Variants in KCNT2 observed in about 807,000 individuals in gnomAD.
KCNT2 encodes potassium sodium-activated channel subfamily T member 2.
Under a neutral mutation model 153.8 loss-of-function variants are expected in KCNT2, and 67 were observed. That is an observed-to-expected ratio of 0.44 (90% confidence interval 0.36 to 0.53). The LOEUF is 0.53. Ranked by LOEUF, KCNT2 falls within the 20% of genes least tolerant of loss-of-function variation. The pLI is 0.00. For synonymous variants in KCNT2, 500 were observed against 458.8 expected (o/e 1.09, Z -1.15); for missense variants, 975 against 1,354.8 (o/e 0.72, Z 4.40).
intron 22 of KCNT2, among the ~76,000 whole-genome samples, chr1:196,298,844 A>C (rs1441850037): frequency 6.7e-6 from 1 of 149,004 alleles, no homozygotes; most frequent in African/African-American, 2.5e-5. Context: ...CACTCCTATC[A>C]CACAGAAAAT....
At chr1:196,505,780 T>C (rs1013758023) in intron 1 of KCNT2, among the ~76,000 whole-genome samples, 1 of 152,076 alleles carries the variant, frequency 6.6e-6, no homozygotes, top group African/African-American at 2.4e-5. Flanking sequence ...TTTGTAGTTC[T>C]CCTTGAAGAG....
intron 1 of KCNT2, among the ~76,000 whole-genome samples, chr1:196,541,355 T>C (rs2148873484): frequency 6.6e-6 from 1 of 152,150 alleles, no homozygotes; most frequent in East Asian, 1.9e-4. Context: ...TCCAGGGACC[T>C]AATCCTGCCC....
intron 26 of KCNT2, chr1:196,257,163 G>T: frequency 6.0e-6 from 5 of 830,018 alleles, no homozygotes; most frequent in Non-Finnish European, 7.3e-6. Context: ...TCAAATCAGG[G>T]TTATAAAGAG....
At chr1:196,466,929 C>T (rs1400730478) in intron 7 of KCNT2, among the ~76,000 whole-genome samples, 1 of 151,922 alleles carries the variant, frequency 6.6e-6, no homozygotes, top group African/African-American at 2.4e-5. Context: ...AACTGGGGCA[C>T]AGCTCTGAGT....
intron 14 of KCNT2, among the ~76,000 whole-genome samples, chr1:196,369,255 T>C (rs1240860694): frequency 6.6e-6 from 1 of 152,176 alleles, no homozygotes; most frequent in Non-Finnish European, 1.5e-5. Context: ...CAGCATTTCC[T>C]TGTGGAAATC....
intron 12 of KCNT2, among the ~76,000 whole-genome samples, chr1:196,412,322 G>T (rs61820911): frequency 2.0e-5 from 3 of 151,606 alleles, no homozygotes; most frequent in African/African-American, 7.3e-5. Flanking sequence ...GAATGGAAAT[G>T]TTTTACTGTT....
At chr1:196,386,426 T>C (rs907051363) in intron 13 of KCNT2, among the ~76,000 whole-genome samples, 1 of 152,138 alleles carries the variant, frequency 6.6e-6, no homozygotes, top group Non-Finnish European at 1.5e-5. Context: ...AGTTAACCTA[T>C]AAGTAGTGCC....
intron 1 of KCNT2, among the ~76,000 whole-genome samples, chr1:196,493,068 C>T (rs993122336): frequency 6.6e-6 from 1 of 152,054 alleles, no homozygotes; most frequent in East Asian, 1.9e-4. Context: ...TTCTAGCAAA[C>T]AGTCTCCCTT....
intron 5 of KCNT2, 67 bp downstream of exon 5, chr1:196,479,112 G>A: frequency 9.6e-7 from 1 of 1,037,030 alleles, no homozygotes; most frequent in Admixed American, 2.2e-5. Flanking sequence ...ACTATAAATA[G>A]AGGAATACTG....
At chr1:196,433,663 C>T (rs1385551127) in intron 8 of KCNT2, among the ~76,000 whole-genome samples, 2 of 152,088 alleles carry the variant, frequency 1.3e-5, no homozygotes, top group East Asian at 3.9e-4. Context: ...GGCTTCTGGG[C>T]ACAAGAAGCA....
intron 25 of KCNT2, among the ~76,000 whole-genome samples, chr1:196,269,630 A>C (rs1657879228): frequency 1.3e-5 from 2 of 152,148 alleles, no homozygotes; most frequent in African/African-American, 2.4e-5. Context: ...GTTGGATATT[A>C]TCAACTAGCT....
In KCNT2 at chr1:196,465,401, GA is replaced by G. The variant is rs753774068; in HGVS notation, c.544-15del. The G allele has an allele frequency of 1.2e-4, 173 of 1,477,978 alleles. No homozygotes were observed. In the Middle Eastern group the frequency reaches 3.1e-3, roughly 27 times the overall value. The allele number at this position is 1,477,978 out of a possible 1,614,324, so 91.6% of individuals were successfully genotyped here. On this transcript the variant is annotated splice_polypyrimidine_tract_variant and intron_variant, in intron 7 of 27. Transcript: ENST00000294725. ...GTGTAGATCATTCTAAAATAATACA[GA>G]AAAAAAGTTGTAAATTTTGATAAAT...
intron 25 of KCNT2, among the ~76,000 whole-genome samples, chr1:196,271,917 C>G (rs1558087176): frequency 6.6e-6 from 1 of 151,926 alleles, no homozygotes. Flanking sequence ...AAACAATGCA[C>G]CAATGAAGAA....
intron 8 of KCNT2, among the ~76,000 whole-genome samples, chr1:196,451,819 T>C (rs1441650868): frequency 1.3e-5 from 2 of 151,850 alleles, no homozygotes; most frequent in African/African-American, 4.8e-5. Flanking sequence ...TGTTACTCAT[T>C]TTTCCCCTCT....
intron 1 of KCNT2, among the ~76,000 whole-genome samples, chr1:196,500,311 AGG>A (rs1680595804): frequency 1.7e-5 from 1 of 60,604 alleles, no homozygotes; most frequent in Non-Finnish European, 3.1e-5. Context: ...GGAGGGAGGG[AGG>A]GAGGGAGGGA....
Position 196,248,110 on chromosome 1 carries a change from AAC to A in KCNT2, c.3211+10082_3211+10083del, listed in dbSNP as rs530114876. Among the ~76,000 whole-genome samples the A allele has an allele frequency of 3.8e-3, 585 of 152,216 alleles. 5 individuals carry two copies. Among genetic ancestry groups the A allele is most frequent in the African/African-American group, 0.014 (563 of 41,558 alleles). ...ATTTCTCAAAACAAAAAGTAATGGA[AAC>A]ACAACATACCAAAAATCTATGGGGT... On this transcript the variant is annotated intron_variant, in intron 26 of 27. Transcript: ENST00000294725.
intron 8 of KCNT2, 138 bp downstream of exon 8, chr1:196,465,155 C>T (rs1027721356): frequency 3.1e-5 from 18 of 575,090 alleles, no homozygotes; most frequent in Non-Finnish European, 4.0e-5. Context: ...CTTCTGTAGG[C>T]GATCTGTTAC....
intron 21 of KCNT2, among the ~76,000 whole-genome samples, chr1:196,315,306 A>G (rs1210426708): frequency 6.6e-6 from 1 of 151,662 alleles, no homozygotes; most frequent in Non-Finnish European, 1.5e-5. Context: ...GTTTGACTTT[A>G]CTTATAGCAT....
At chr1:196,388,712 A>G (rs998812399) in intron 13 of KCNT2, among the ~76,000 whole-genome samples, 1 of 151,756 alleles carries the variant, frequency 6.6e-6, no homozygotes, top group African/African-American at 2.4e-5. Flanking sequence ...TAGAAAAATA[A>G]AATTGATTTC....
Sources: allele counts gnomAD v4.1 joint callset (sites outside exome capture counted in the v4.1 genomes callset), GRCh38; gene constraint gnomAD v4.1.1; transcripts MANE v1.5; gene names NCBI Gene and HGNC (gene_info 2026-07-23, HGNC 2026-07-21).